Variants in MCC observed in about 807,000 individuals in gnomAD.
The protein encoded by MCC is colorectal mutant cancer protein.
In MCC, 90 loss-of-function variants were observed where a neutral mutation model predicts 116.2. That is an observed-to-expected ratio of 0.77 (90% confidence interval 0.65 to 0.92). The LOEUF (loss-of-function observed/expected upper bound fraction) is 0.92. Among genes scored for constraint, MCC ranks in the 40% least tolerant of loss-of-function variants. The pLI is 0.00. For missense variants in MCC, 1,516 were observed against 1,312.2 expected, an observed-to-expected ratio of 1.16 and a Z score of -2.40; for synonymous variants, 578 against 510.5, an observed-to-expected ratio of 1.13 and a Z score of -1.78.
intron 1 of MCC, among the ~76,000 whole-genome samples, chr5:113,427,639 T>C (rs1580360243): frequency 6.6e-6 from 1 of 152,368 alleles, no homozygotes; most frequent in East Asian, 1.9e-4. Flanking sequence ...TGGGCTTTCT[T>C]ATTTAATTAA....
intron 2 of MCC, among the ~76,000 whole-genome samples, chr5:113,351,881 G>A (rs1768277250): frequency 6.6e-6 from 1 of 152,074 alleles, no homozygotes; most frequent in Non-Finnish European, 1.5e-5. Context: ...ACAGTCAAAG[G>A]AAGCTTCATT....
At position 113,488,342 on chromosome 5, in the gene MCC, T is replaced by TGCTGCTGCCGCTGCCGCTGCC. The variant is rs1554087730; in HGVS notation, c.72_73insGGCAGCGGCAGCGGCAGCAGC (p.Ser24_Ser25insGlySerGlySerGlySerSer). Reference sequence around the variant, plus strand: ...CTGGACGTGTCGCTGCTGCTGCTGCTGCTGCCGCTGCCGCCGCCGCCGCCG... The same window carrying TGCTGCTGCCGCTGCCGCTGCC: ...CTGGACGTGTCGCTGCTGCTGCTGCTGCTGCTGCCGCTGCCGCTGCCGCTGCCGCTGCCGCCGCCGCCGCCG... On this transcript the variant is annotated inframe_insertion, in exon 1 of 19. Transcript: ENST00000408903. 15 of 1,531,198 alleles carry TGCTGCTGCCGCTGCCGCTGCC rather than the reference T, an allele frequency of 9.8e-6. No homozygotes were observed. The Admixed American group carries it at 2.4e-4, about 24-fold the overall frequency. 94.9% of individuals were successfully genotyped at this position (1,531,198 alleles called of 1,614,324 possible). A position where few individuals can be genotyped will look rare whatever the true frequency, so the allele number is the denominator to read the frequency against.
At chr5:113,066,768 G>T (rs527412694) in intron 13 of MCC, among the ~76,000 whole-genome samples, 1 of 152,212 alleles carries the variant, frequency 6.6e-6, no homozygotes, top group Non-Finnish European at 1.5e-5. Flanking sequence ...TGAAGGGTGT[G>T]TCCTGGATGG....
At chr5:113,418,467 G>C (rs1770219999) in intron 1 of MCC, among the ~76,000 whole-genome samples, 1 of 149,162 alleles carries the variant, frequency 6.7e-6, no homozygotes, top group African/African-American at 2.5e-5. Flanking sequence ...CCAAGCAGTG[G>C]GAGACCCCAG....
rs758115803 is a variant in MCC, at chr5:113,340,781, T to C, written c.416-51A>G. ...TGAAAAGACATTTCCTTCATTAGCC[T>C]GTGGGTGGCCAATAGGCAATGATTT... On this transcript the variant is annotated intron_variant, in intron 2 of 18. Coordinates refer to ENST00000408903, the MANE Select transcript of MCC (RefSeq NM_001085377.2). The C allele has an allele frequency of 2.3e-5, 35 of 1,500,066 alleles. No homozygotes were observed. The South Asian group carries it at 3.9e-4, about 17-fold the overall frequency. The allele number at this position is 1,500,066 out of a possible 1,614,324, so 92.9% of individuals were successfully genotyped here. A position where few individuals can be genotyped will look rare whatever the true frequency, so the allele number is the denominator to read the frequency against.
chr5:113,401,769 TTATA>T (rs34691429), intron 1 of MCC, among the ~76,000 whole-genome samples: 3 of 116,348 alleles, frequency 2.6e-5, no homozygotes, highest in African/African-American at 2.8e-5. Context: ...GTTTTCTTAT[TTATA>T]TATATATATA....
chr5:113,073,643 C>T (rs541495998), intron 11 of MCC, among the ~76,000 whole-genome samples: 7 of 150,498 alleles, frequency 4.7e-5, no homozygotes, highest in South Asian at 2.1e-4. Context: ...AATATCAGTT[C>T]GCCATATGGC....
intron 3 of MCC, among the ~76,000 whole-genome samples, chr5:113,326,691 C>CT (rs1767562814): frequency 6.6e-6 from 1 of 152,214 alleles, no homozygotes; most frequent in Admixed American, 6.5e-5. Flanking sequence ...TCTCACTACA[C>CT]TATATGGATT....
chr5:113,129,114 G>C (rs1413509869), intron 5 of MCC, among the ~76,000 whole-genome samples: 2 of 152,292 alleles, frequency 1.3e-5, no homozygotes, highest in African/African-American at 4.8e-5. Flanking sequence ...CAGAAGGGTT[G>C]AGTGCCAATC....
intron 3 of MCC, among the ~76,000 whole-genome samples, chr5:113,166,500 C>G (rs1760772584): frequency 6.6e-6 from 1 of 152,138 alleles, no homozygotes; most frequent in South Asian, 2.1e-4. Context: ...TTCTGAAATG[C>G]TAATCTTGGA....
chr5:113,113,611 G>T (rs1301159243), intron 6 of MCC, among the ~76,000 whole-genome samples: 1 of 132,622 alleles, frequency 7.5e-6, no homozygotes, highest in Non-Finnish European at 1.5e-5. Context: ...ACCTCCCGCT[G>T]CAACATGGTA....
intron 14 of MCC, among the ~76,000 whole-genome samples, chr5:113,055,266 G>A (rs1561760343): frequency 6.6e-6 from 1 of 152,182 alleles, no homozygotes; most frequent in East Asian, 1.9e-4. Flanking sequence ...GCTATACCAG[G>A]GGCCACGAGT....
chr5:113,257,028 T>C (rs1765031674), intron 3 of MCC, among the ~76,000 whole-genome samples: 1 of 152,182 alleles, frequency 6.6e-6, no homozygotes, highest in African/African-American at 2.4e-5. Flanking sequence ...CACCCTTCCA[T>C]TACATCTCGT....
intron 3 of MCC, among the ~76,000 whole-genome samples, chr5:113,330,511 A>G (rs1767673309): frequency 6.6e-6 from 1 of 152,248 alleles, no homozygotes; most frequent in Admixed American, 6.5e-5. Context: ...GCAAAAAGTC[A>G]TTAAGATGTT....
At chr5:113,410,537 T>C (rs1291546485) in intron 1 of MCC, among the ~76,000 whole-genome samples, 5 of 152,170 alleles carry the variant, frequency 3.3e-5, no homozygotes, top group African/African-American at 1.2e-4. Context: ...TTTGGAAGGC[T>C]GAGGTTTAAA....
At chr5:113,125,356 A>C (rs1436044816) in intron 5 of MCC, among the ~76,000 whole-genome samples, 1 of 152,224 alleles carries the variant, frequency 6.6e-6, no homozygotes, top group African/African-American at 2.4e-5. Flanking sequence ...ACATGGCAAC[A>C]AAGTAAATAG....
chr5:113,296,702 G>A (rs1315348434), intron 3 of MCC, among the ~76,000 whole-genome samples: 2 of 152,128 alleles, frequency 1.3e-5, no homozygotes, highest in Non-Finnish European at 2.9e-5. Flanking sequence ...TTCTCAATAG[G>A]CAATGGAGAG....
chr5:113,311,641 G>A (rs1185562836), intron 3 of MCC, among the ~76,000 whole-genome samples: 1 of 152,054 alleles, frequency 6.6e-6, no homozygotes, highest in Non-Finnish European at 1.5e-5. Context: ...ACATTGTTGT[G>A]GCAACAGATA....
chr5:113,192,530 A>C (rs1762196661), intron 3 of MCC, among the ~76,000 whole-genome samples: 1 of 152,250 alleles, frequency 6.6e-6, no homozygotes, highest in African/African-American at 2.4e-5. Context: ...TGTGGATTAA[A>C]GACACACATG....
Sources: gnomAD v4.1 joint callset for allele counts (sites outside exome capture counted in the v4.1 genomes callset) on GRCh38, gnomAD v4.1.1 for gene constraint, MANE v1.5 for transcripts, NCBI Gene and HGNC (gene_info 2026-07-23, HGNC 2026-07-21) for gene names.